IQSEC1: variants seen among roughly 807,000 people sequenced by gnomAD.
IQSEC1 encodes the protein IQ motif and SEC7 domain-containing protein 1.
In IQSEC1, 31 loss-of-function variants were observed where a neutral mutation model predicts 91.0. The ratio of observed to expected loss-of-function variants is 0.34; its 90% CI spans 0.26 to 0.46. The LOEUF (loss-of-function observed/expected upper bound fraction) is 0.46, where lower values mean the gene tolerates loss of function less well. Ranked by LOEUF, IQSEC1 falls within the 20% of genes least tolerant of loss-of-function variation. The pLI is 1.00. For synonymous variants in IQSEC1, 699 were observed against 662.6 expected, an observed-to-expected ratio of 1.05 and a Z score of -0.84; for missense variants, 1,388 against 1,575.6, an observed-to-expected ratio of 0.88 and a Z score of 2.02.
chr3:12,900,894 C>T lies in IQSEC1; in HGVS notation c.*89G>A. The T allele has an allele frequency of 6.5e-7, 1 of 1,535,432 alleles. No individual in the cohort carries two copies. The highest frequency in any genetic ancestry group is 8.7e-7 in the Non-Finnish European group (1 of 1,146,352). ...GGGGAGAGATGGCAACAGAAGTGCC[C>T]CGGGTTTGGTGTGCGGCTGGCGACC... On this transcript the variant is annotated 3_prime_UTR_variant, in exon 14 of 14. Transcript: ENST00000613206.
At chr3:13,180,844 CG>C (rs1405104457) in intron 1 of IQSEC1, among the ~76,000 whole-genome samples, 2 of 151,992 alleles carry the variant, frequency 1.3e-5, no homozygotes, top group African/African-American at 4.8e-5. Flanking sequence ...GAAGAAACTC[CG>C]AACACATTCG....
intron 1 of IQSEC1, among the ~76,000 whole-genome samples, chr3:13,002,521 T>C (rs2124838989): frequency 7.1e-6 from 1 of 140,368 alleles, no homozygotes; most frequent in East Asian, 2.1e-4. Flanking sequence ...TATTCCAGCC[T>C]GGGTGAGTGA....
intron 1 of IQSEC1, among the ~76,000 whole-genome samples, chr3:13,194,731 C>T (rs1222740389): frequency 6.6e-6 from 1 of 152,128 alleles, no homozygotes; most frequent in East Asian, 1.9e-4. Flanking sequence ...TCTGGCAGGC[C>T]TTCCTAACAG....
chr3:13,279,244 T>C (rs1695746415), intron 1 of IQSEC1, among the ~76,000 whole-genome samples: 2 of 152,234 alleles, frequency 1.3e-5, no homozygotes, highest in Admixed American at 6.5e-5. Context: ...ATTATGCGTC[T>C]GAACCTCTAG....
intron 2 of IQSEC1, among the ~76,000 whole-genome samples, chr3:13,080,401 G>A (rs1159704136): frequency 6.6e-6 from 1 of 152,114 alleles, no homozygotes; most frequent in Non-Finnish European, 1.5e-5. Context: ...GGTGGATGGT[G>A]GCACCCTTTG....
At chr3:12,907,076 A>G (rs1033012674) in intron 12 of IQSEC1, among the ~76,000 whole-genome samples, 4 of 152,200 alleles carry the variant, frequency 2.6e-5, no homozygotes, top group Admixed American at 6.5e-5. Context: ...GCGAGTAAAC[A>G]TCTTGCCAAG....
chr3:12,949,368 A>G (rs1699390949), intron 1 of IQSEC1, among the ~76,000 whole-genome samples: 1 of 152,264 alleles, frequency 6.6e-6, no homozygotes, highest in African/African-American at 2.4e-5. Context: ...GCCGGGCCCC[A>G]TGCTAGAGGA....
chr3:13,223,918 T>A (rs1694705901), intron 1 of IQSEC1, among the ~76,000 whole-genome samples: 1 of 152,162 alleles, frequency 6.6e-6, no homozygotes, highest in Non-Finnish European at 1.5e-5. Flanking sequence ...CGGACATTAA[T>A]GAGCTTTGGA....
rs1347244855 is a variant in IQSEC1 at position 13,282,755 on chromosome 3, C to CGGGCCG, written c.222_227dup (p.Gly75_Pro76dup). 7.4e-5 allele frequency among the ~76,000 whole-genome samples: 11 copies of CGGGCCG among 149,008 alleles called. No individual in the cohort carries two copies. Among genetic ancestry groups the CGGGCCG allele is most frequent in the East Asian group, 5.9e-4 (3 of 5,056 alleles). On this transcript the variant is annotated inframe_insertion, in exon 1 of 16. Coordinates refer to the IQSEC1 transcript ENST00000648114. This position sits in a 1 kb window ranked among gnomAD's most constrained non-coding sequence, Gnocchi z 6.4. Reference sequence around the variant, plus strand: ...GCTCCGGGATGGCGCCGAGCGGCTGCGGGCCGGGGCCGGGGCCCGGGTCGG... The same window carrying CGGGCCG: ...GCTCCGGGATGGCGCCGAGCGGCTGCGGGCCGGGGCCGGGGCCGGGGCCCGGGTCGG...
intron 1 of IQSEC1, chr3:12,960,744 A>C (rs1200125235): frequency 6.6e-6 from 1 of 152,198 alleles, no homozygotes; most frequent in Non-Finnish European, 1.5e-5. Flanking sequence ...CATCATTTTC[A>C]TTCTGTAGCC....
intron 2 of IQSEC1, among the ~76,000 whole-genome samples, chr3:13,154,290 C>T (rs1011812233): frequency 1.3e-5 from 2 of 150,432 alleles, no homozygotes; most frequent in Non-Finnish European, 3.0e-5. Flanking sequence ...CCCAAGCTGC[C>T]AGACACGCAC....
At chr3:12,917,858 C>CA (rs1696253957) in intron 6 of IQSEC1, among the ~76,000 whole-genome samples, 1 of 152,220 alleles carries the variant, frequency 6.6e-6, no homozygotes, top group Non-Finnish European at 1.5e-5. Flanking sequence ...ACTTTAATAA[C>CA]AAGGAAAGAC....
intron 1 of IQSEC1, among the ~76,000 whole-genome samples, chr3:13,006,937 T>A (rs943298780): frequency 5.3e-5 from 8 of 152,218 alleles, no homozygotes; most frequent in African/African-American, 1.9e-4. Flanking sequence ...TCTCCTGACA[T>A]GTTTGCAGTC....
intron 1 of IQSEC1, among the ~76,000 whole-genome samples, chr3:12,990,852 A>G (rs1701954582): frequency 1.3e-5 from 2 of 152,232 alleles, no homozygotes; most frequent in Non-Finnish European, 2.9e-5. Flanking sequence ...GGTTTTGCAG[A>G]CGAAATGGGA....
rs183437866 is a variant in IQSEC1 at position 13,103,655 on chromosome 3, G to A, written c.303-56133C>T. Among the ~76,000 whole-genome samples, 113 of 152,266 alleles carry A rather than the reference G, an allele frequency of 7.4e-4. No homozygotes were observed. Among genetic ancestry groups the A allele is most frequent in the Non-Finnish European group, 1.1e-3 (75 of 68,018 alleles). On this transcript the variant is annotated intron_variant, in intron 2 of 15. Transcript: ENST00000648114. This position sits in a 1 kb window ranked among gnomAD's most constrained non-coding sequence, Gnocchi z 4.1. ...GCTTCACATGCAGCACGCACTGGGG[G>A]TCTGGCTGGCAGGGGAGCGGGGCTG...
At chr3:13,048,949 C>T (rs1156570475) in intron 1 of IQSEC1, among the ~76,000 whole-genome samples, 1 of 152,218 alleles carries the variant, frequency 6.6e-6, no homozygotes, top group Non-Finnish European at 1.5e-5. Flanking sequence ...TGTGTGGCAG[C>T]CATGCCTTGC....
chr3:13,007,726 C>T (rs1455275022), intron 1 of IQSEC1, among the ~76,000 whole-genome samples: 1 of 152,200 alleles, frequency 6.6e-6, no homozygotes, highest in Non-Finnish European at 1.5e-5. Context: ...CGCAGGCCAC[C>T]CACTCCTCAC....
At chr3:13,163,251 G>A (rs1198402810) in intron 2 of IQSEC1, among the ~76,000 whole-genome samples, 2 of 152,050 alleles carry the variant, frequency 1.3e-5, no homozygotes, top group Admixed American at 1.3e-4. Context: ...CACTCCAGCT[G>A]GCATCCTCAC....
intron 2 of IQSEC1, among the ~76,000 whole-genome samples, chr3:12,941,052 G>A (rs1486531922): frequency 6.6e-6 from 1 of 152,346 alleles, no homozygotes; most frequent in Middle Eastern, 3.4e-3. Flanking sequence ...GCAGGGAGGT[G>A]TGAGCCAGGA....
Sources: gnomAD v4.1 joint callset for allele counts (sites outside exome capture counted in the v4.1 genomes callset) on GRCh38, gnomAD v4.1.1 for gene constraint, Gnocchi (gnomAD v3.1) non-coding constraint, MANE v1.5 for transcripts, NCBI Gene and HGNC (gene_info 2026-07-23, HGNC 2026-07-21) for gene names.